The following PPP2R2B variants were observed in gnomAD, a reference collection of about 807,000 sequenced individuals.
The protein encoded by PPP2R2B is protein phosphatase 2 regulatory subunit Bbeta.
Under a neutral mutation model 46.0 loss-of-function variants are expected in PPP2R2B, and 5 were observed. The ratio of observed to expected loss-of-function variants is 0.11; its 90% confidence interval spans 0.06 to 0.23. The LOEUF (loss-of-function observed/expected upper bound fraction) is 0.23, where lower values mean the gene tolerates loss of function less well. PPP2R2B is among the 10% of genes least tolerant of loss of function. The pLI is 1.00. For missense variants in PPP2R2B, 367 were observed against 575.0 expected (o/e 0.64, Z 3.70); for synonymous variants, 215 against 206.7 (o/e 1.04, Z -0.34).
At chr5:146,678,936 A>G (rs1777933928) in intron 5 of PPP2R2B, among the ~76,000 whole-genome samples, 1 of 88,226 alleles carries the variant, frequency 1.1e-5, no homozygotes, top group African/African-American at 6.6e-5. Flanking sequence ...CATGGGTAGG[A>G]AGAATCAATA....
chr5:146,836,052 A>G (rs553283501), intron 2 of PPP2R2B, among the ~76,000 whole-genome samples: 162 of 152,312 alleles, frequency 1.1e-3, no homozygotes, highest in African/African-American at 3.6e-3. Context: ...GTAATAATTC[A>G]TATATCTGAC....
intron 5 of PPP2R2B, among the ~76,000 whole-genome samples, chr5:146,668,457 G>A (rs1468018926): frequency 6.6e-6 from 1 of 152,080 alleles, no homozygotes; most frequent in East Asian, 1.9e-4. Context: ...TCTTAGAAGT[G>A]CTATGAGCCC....
At chr5:147,080,316 A>G (rs1757936521) in intron 2 of PPP2R2B, among the ~76,000 whole-genome samples, 2 of 152,146 alleles carry the variant, frequency 1.3e-5, no homozygotes, top group South Asian at 4.1e-4. Flanking sequence ...TAAACCTACC[A>G]TCAAAGCAGC....
intron 1 of PPP2R2B, among the ~76,000 whole-genome samples, chr5:147,037,302 CATT>C (rs1756087166): frequency 6.6e-6 from 1 of 151,808 alleles, no homozygotes; most frequent in African/African-American, 2.4e-5. Flanking sequence ...TGACTTCTGG[CATT>C]ATGATGCAAG....
At chr5:146,805,116 T>C (rs1316901684) in intron 2 of PPP2R2B, among the ~76,000 whole-genome samples, 3 of 151,970 alleles carry the variant, frequency 2.0e-5, no homozygotes, top group South Asian at 2.1e-4. Context: ...TTGCAGAGAG[T>C]GATTAGCCAA....
chr5:146,743,183 G>A (rs892714637), intron 2 of PPP2R2B, among the ~76,000 whole-genome samples: 1 of 152,144 alleles, frequency 6.6e-6, no homozygotes, highest in East Asian at 1.9e-4. Flanking sequence ...CTTAACAACA[G>A]CCTTTTGGTC....
chr5:146,946,078 T>C (rs1764471061), intron 1 of PPP2R2B, among the ~76,000 whole-genome samples: 1 of 152,274 alleles, frequency 6.6e-6, no homozygotes, highest in Non-Finnish European at 1.5e-5. Context: ...GTCATGTGGA[T>C]TCTATAAAAT....
chr5:147,060,137 T>C (rs1757213398), upstream of PPP2R2B, among the ~76,000 whole-genome samples: 1 of 152,154 alleles, frequency 6.6e-6, no homozygotes, highest in Non-Finnish European at 1.5e-5. Context: ...TCTTCTAATC[T>C]TAAATAAAGT....
At chr5:146,794,817 T>C (rs973388050) in intron 2 of PPP2R2B, among the ~76,000 whole-genome samples, 2 of 152,176 alleles carry the variant, frequency 1.3e-5, no homozygotes, top group Admixed American at 1.3e-4. Context: ...CATATTAATA[T>C]GGTGCAGTTT....
At chr5:147,075,251 A>G (rs931444536) in intron 2 of PPP2R2B, among the ~76,000 whole-genome samples, 9 of 152,210 alleles carry the variant, frequency 5.9e-5, no homozygotes, top group Non-Finnish European at 1.2e-4. Flanking sequence ...ATCAAATACA[A>G]GCATTGCACA....
chr5:146,822,310 C>T (rs970155196), intron 2 of PPP2R2B, among the ~76,000 whole-genome samples: 1 of 152,150 alleles, frequency 6.6e-6, no homozygotes, highest in African/African-American at 2.4e-5. Flanking sequence ...GTGACTTCTC[C>T]TTGCTCTCCA....
At chr5:147,005,557 G>C (rs186753553) in intron 1 of PPP2R2B, among the ~76,000 whole-genome samples, 21 of 152,308 alleles carry the variant, frequency 1.4e-4, no homozygotes, top group African/African-American at 4.8e-4. Flanking sequence ...AAAAACCCAA[G>C]GAGGTGGCAG....
intron 2 of PPP2R2B, among the ~76,000 whole-genome samples, chr5:146,709,511 A>T (rs2151179636): frequency 6.6e-6 from 1 of 152,324 alleles, no homozygotes; most frequent in Admixed American, 6.5e-5. Context: ...TGAGGCATAC[A>T]GGAAAGTCTA....
intron 7 of PPP2R2B, among the ~76,000 whole-genome samples, chr5:146,626,476 T>G (rs1774074199): frequency 6.6e-6 from 1 of 152,238 alleles, no homozygotes; most frequent in South Asian, 2.1e-4. Context: ...TTTTGGTTTT[T>G]GCAGGCAAAA....
upstream of PPP2R2B, among the ~76,000 whole-genome samples, chr5:147,060,600 C>G (rs372321267): frequency 6.6e-6 from 1 of 152,074 alleles, no homozygotes; most frequent in Non-Finnish European, 1.5e-5. Flanking sequence ...AGCACTCCAG[C>G]CTTGGTGACA....
rs1561901588 is a variant in PPP2R2B at position 146,781,160 on chromosome 5, AT to A, written c.71-80019del. Among the ~76,000 whole-genome samples, 3 of 118,134 alleles carry A rather than the reference AT, an allele frequency of 2.5e-5. 1 individual carries two copies. The highest frequency in any genetic ancestry group is 5.2e-5 in the Non-Finnish European group (3 of 57,788). The allele number at this position is 118,134 out of a possible 152,430, so 77.5% of individuals were successfully genotyped here. A position where few individuals can be genotyped will look rare whatever the true frequency, so the allele number is the denominator to read the frequency against. ...TATATATATATATATATATATATATATATATATATATATATAAAATTATTCT... is the reference window on the plus strand; with the variant it reads ...TATATATATATATATATATATATATAATATATATATATATAAAATTATTCT... On this transcript the variant is annotated intron_variant, in intron 2 of 9. Coordinates refer to ENST00000394411, the MANE Select transcript of PPP2R2B (RefSeq NM_181675.4).
At chr5:146,887,419 C>T (rs1159834162) in intron 1 of PPP2R2B, among the ~76,000 whole-genome samples, 1 of 151,922 alleles carries the variant, frequency 6.6e-6, no homozygotes, top group Non-Finnish European at 1.5e-5. Context: ...AAAACCAAAC[C>T]AAATAACATT....
At chr5:146,695,094 T>G (rs1404945775) in intron 4 of PPP2R2B, among the ~76,000 whole-genome samples, 1 of 152,098 alleles carries the variant, frequency 6.6e-6, no homozygotes, top group African/African-American at 2.4e-5. Context: ...TTAGAATATT[T>G]AACAATTGGG....
intron 1 of PPP2R2B, among the ~76,000 whole-genome samples, chr5:147,011,994 G>A (rs987786469): frequency 6.8e-6 from 1 of 146,382 alleles, no homozygotes; most frequent in Admixed American, 6.9e-5. Flanking sequence ...ATTTTATTGA[G>A]GATTTTTGCA....
Sources: gnomAD v4.1 joint callset for allele counts (sites outside exome capture counted in the v4.1 genomes callset) on GRCh38, gnomAD v4.1.1 for gene constraint, MANE v1.5 for transcripts, NCBI Gene and HGNC (gene_info 2026-07-23, HGNC 2026-07-21) for gene names.